CAPN12: variants seen among roughly 807,000 people sequenced by gnomAD.
CAPN12 encodes the protein calpain-12.
In CAPN12, 107 loss-of-function variants were observed where a neutral mutation model predicts 95.0. That is an observed-to-expected ratio of 1.13 (90% CI 0.96 to 1.32). The LOEUF is 1.32. Ranked by LOEUF, CAPN12 falls within the 40% of genes most tolerant of loss-of-function variation. The pLI is 0.00. For missense variants in CAPN12, 1,136 were observed against 997.8 expected, an observed-to-expected ratio of 1.14 and a Z score of -1.87; for synonymous variants, 505 against 415.5, an observed-to-expected ratio of 1.22 and a Z score of -2.62.
At chr19:38,741,982 G>A in intron 3 of CAPN12, 72 bp from the exon 4 acceptor site, 1 of 1,572,948 alleles carries the variant, frequency 6.4e-7, no homozygotes, top group East Asian at 2.3e-5. Flanking sequence ...CCTCTGCTGT[G>A]CCAGTCCCAG....
Position 38,730,803 on chromosome 19 carries a change from C to T in CAPN12, c.*49G>A, listed in dbSNP as rs373304896. The T allele has an allele frequency of 7.1e-6, 11 of 1,549,240 alleles. No individual in the cohort carries two copies. In the African/African-American group the frequency reaches 1.1e-4, roughly 15 times the overall value. ...GCCAGGCAAGGCCTAGGGAGGTGGT[C>T]TTGCTCAGCAACCCTGCCCTGAGCA... On this transcript the variant is annotated 3_prime_UTR_variant, in exon 21 of 21. Transcript: ENST00000328867.
intron 15 of CAPN12, 60 bp from the exon 16 acceptor site, chr19:38,734,449 G>A (rs952216062): frequency 1.3e-5 from 19 of 1,447,572 alleles, no homozygotes; most frequent in African/African-American, 4.2e-5. Flanking sequence ...CACTTTAAGG[G>A]CTGGGTGGAT....
chr19:38,736,846 T>C, intron 10 of CAPN12: 1 of 586,136 alleles, frequency 1.7e-6, no homozygotes, highest in Non-Finnish European at 3.0e-6. Flanking sequence ...CCTCTGTCTG[T>C]CCCTGAGCCC....
rs1970117546 is a variant in CAPN12 at position 38,736,120 on chromosome 19, G to A, written c.1573C>T (p.His525Tyr). ...FTLRVFSERR[H>Y]TAVEIDDVIS... ...GTGCCCGGGGCTCACACGGCCGTGT[G>A]GCGGCGCTCGGAGAAGACACGCAGA... Residue 525 changes from histidine (H) to tyrosine (Y), a missense_variant, in exon 12 of 21, where the codon CAC (histidine) becomes TAC (tyrosine). Physicochemically the swap from His to Tyr is moderately conservative, Grantham distance 83. Transcript: ENST00000328867. The A allele has an allele frequency of 6.6e-7, 1 of 1,504,492 alleles. No individual in the cohort carries two copies. Among genetic ancestry groups the A allele is most frequent in the Non-Finnish European group, 8.8e-7 (1 of 1,130,258 alleles). The allele number at this position is 1,504,492 out of a possible 1,614,324, so 93.2% of individuals were successfully genotyped here. A position where few individuals can be genotyped will look rare whatever the true frequency, so the allele number is the denominator to read the frequency against.
intron 7 of CAPN12, 33 bp from the exon 8 acceptor site, chr19:38,738,380 T>C (rs748855242): frequency 6.2e-7 from 1 of 1,610,866 alleles, no homozygotes; most frequent in South Asian, 1.1e-5. Flanking sequence ...GGCGGGCAGG[T>C]GGGGTCCAGC....
chr19:38,735,478 C>A lies in CAPN12; in HGVS notation c.1626+24G>T, dbSNP rs201016156. The stretch of plus-strand genomic sequence containing the variant: ...GCTGGCCAAGATCCCCGCCCCATGC[C>A]GCCCCTCCAGGAACAGTCCCCACCT... On this transcript the variant is annotated intron_variant, in intron 13 of 20. Coordinates refer to ENST00000328867, the MANE Select transcript of CAPN12 (RefSeq NM_144691.4). The A allele has an allele frequency of 1.3e-3, 2,168 of 1,610,790 alleles. 1 individual carries two copies. The highest frequency in any genetic ancestry group is 1.7e-3 in the Non-Finnish European group (1,985 of 1,179,186).
At position 38,744,083 on chromosome 19, in the gene CAPN12, C is replaced by A. The variant is rs112433506; in HGVS notation, c.83G>T (p.Arg28Leu). The change falls in exon 1 of 21, where the codon CGG becomes CTG. Residue 28 changes from arginine to leucine, a missense_variant. By Grantham distance (102) the Arg-to-Leu change is moderately radical. Transcript: ENST00000328867. ...GVGAGRLQLF[R>L]GQSYEAIRAA... ...CCGAATTGCCTCATAGCTCTGGCCC[C>A]GAAAAAGCTGCAGGCGCCCGGCTCC... The A allele has an allele frequency of 3.1e-6, 5 of 1,614,212 alleles. No homozygotes were observed. In the South Asian group the frequency reaches 5.5e-5, roughly 18 times the overall value.
rs1424450166 is a variant in CAPN12 at position 38,736,326 on chromosome 19, C to T, written c.1375-8G>A. 1.9e-5 allele frequency: 28 copies of T among 1,447,930 alleles called. No homozygotes were observed. Among genetic ancestry groups the T allele is most frequent in the Non-Finnish European group, 2.1e-5 (23 of 1,102,092 alleles). The allele number at this position is 1,447,930 out of a possible 1,614,324, so 89.7% of individuals were successfully genotyped here. ...ATCCCAGAGGCCCAGCAGCTGGGGA[C>T]GGGGCGGCATGACCACGGACCAGGC... On this transcript the variant is annotated splice_region_variant and splice_polypyrimidine_tract_variant and intron_variant, in intron 11 of 20. Coordinates refer to ENST00000328867, the MANE Select transcript of CAPN12 (RefSeq NM_144691.4).
At chr19:38,740,838 A>G (rs961012568) in intron 4 of CAPN12, among the ~76,000 whole-genome samples, 4 of 151,116 alleles carry the variant, frequency 2.6e-5, no homozygotes, top group Admixed American at 1.3e-4. Context: ...GACGGGGGGA[A>G]CTGTGGCACA....
chr19:38,736,905 C>A (rs1970219063), intron 10 of CAPN12: 2 of 473,598 alleles, frequency 4.2e-6, no homozygotes, highest in Admixed American at 3.7e-5. Flanking sequence ...CCTGGCCCCC[C>A]AGCCCTACTA....
rs766899378 is a variant in CAPN12, at chr19:38,735,428, C to A, written c.1628G>T (p.Gly543Val). The change falls in exon 14 of 21, where the codon GGC (glycine) becomes GTC (valine). Residue 543 changes from glycine to valine, a missense_variant and splice_region_variant. Coordinates refer to ENST00000328867, the MANE Select transcript of CAPN12 (RefSeq NM_144691.4). ...CCCCAGCTCCAGGGGCAGGTAGGGG[C>A]CCTGCCGCATGGCGGAAGTTTAGCG... Reference protein sequence around the residue: ...VISADLQSLQGPYLPLELGLE... With the variant: ...VISADLQSLQVPYLPLELGLE... 1 of 1,610,784 alleles carries A rather than the reference C, an allele frequency of 6.2e-7. No homozygotes were observed. Among genetic ancestry groups the A allele is most frequent in the East Asian group, 2.2e-5 (1 of 44,706 alleles).
intron 8 of CAPN12, among the ~76,000 whole-genome samples, chr19:38,738,012 A>G (rs970670484): frequency 1.3e-5 from 2 of 152,116 alleles, no homozygotes; most frequent in Admixed American, 6.5e-5. Flanking sequence ...AATACTGCCC[A>G]TCCCTTTCAA....
chr19:38,743,857 C>T, intron 1 of CAPN12, 72 bp downstream of exon 1: 2 of 1,470,414 alleles, frequency 1.4e-6, no homozygotes, highest in Non-Finnish European at 1.9e-6. Context: ...CTTCCTTCCT[C>T]AGACCCAGGA....
rs1406597851 is a variant in CAPN12, at chr19:38,743,054, C to T, written c.286G>A (p.Asp96Asn). ...TCACCCAGGCTCCCCTGACACACGT[C>T]TGTGCGGCTCATGTCTTCACAGATG... ...KFICEDMSRT[D>N]VCQGSLGNCW... Residue 96 changes from aspartate to asparagine, a missense_variant, in exon 2 of 21, where the codon GAC (aspartate) becomes AAC (asparagine). Asp to Asn is a conservative substitution (Grantham distance 23). Transcript: ENST00000328867. 5.0e-6 allele frequency: 8 copies of T among 1,614,022 alleles called. No individual in the cohort carries two copies. The highest frequency in any genetic ancestry group is 6.8e-6 in the Non-Finnish European group (8 of 1,179,964).
chr19:38,738,388 A>C, intron 7 of CAPN12, 30 bp downstream of exon 7: 1 of 1,610,604 alleles, frequency 6.2e-7, no homozygotes. Flanking sequence ...GGTGGGGTCC[A>C]GCCCCACACC....
chr19:38,741,696 T>TG, intron 4 of CAPN12, 81 bp downstream of exon 4: 1 of 1,544,138 alleles, frequency 6.5e-7, no homozygotes, highest in Middle Eastern at 1.7e-4. Flanking sequence ...TTGCAGAGCT[T>TG]GGGGGACTCT....
At chr19:38,743,811 C>G (rs1841843669) in intron 1 of CAPN12, 118 bp downstream of exon 1, 1 of 961,736 alleles carries the variant, frequency 1.0e-6, no homozygotes. Context: ...GTCTCGAGCC[C>G]CTCCTCCCTC....
chr19:38,735,590 C>G (rs575418866), intron 12 of CAPN12, 46 bp from the exon 13 acceptor site: 6 of 1,593,276 alleles, frequency 3.8e-6, no homozygotes, highest in South Asian at 1.1e-5. Flanking sequence ...TTTGCCCCAG[C>G]TGGGGCTGTG....
At chr19:38,740,565 C>G (rs377159633) in intron 4 of CAPN12, among the ~76,000 whole-genome samples, 5 of 152,030 alleles carry the variant, frequency 3.3e-5, no homozygotes, top group Non-Finnish European at 5.9e-5. Flanking sequence ...TTTGGGAAGC[C>G]GAGGCAAGTG....
Sources: gnomAD v4.1 joint callset for allele counts (sites outside exome capture counted in the v4.1 genomes callset) on GRCh38, gnomAD v4.1.1 for gene constraint, MANE v1.5 for transcripts, NCBI Gene and HGNC (gene_info 2026-07-23, HGNC 2026-07-21) for gene names.